The following FARS2 variants were observed in gnomAD, a reference collection of about 807,000 sequenced individuals.
The protein encoded by FARS2 is phenylalanyl-tRNA synthetase 2, mitochondrial.
A neutral mutation model predicts 46.4 loss-of-function variants in FARS2; 40 were observed. The ratio of observed to expected loss-of-function variants is 0.86; its 90% CI spans 0.67 to 1.12. The LOEUF is 1.12. FARS2 is among the 50% of genes most tolerant of loss of function. The pLI is 0.00. For missense variants in FARS2, 513 were observed against 567.9 expected (o/e 0.90, Z 0.98); for synonymous variants, 234 against 214.9 (o/e 1.09, Z -0.78).
intron 6 of FARS2, among the ~76,000 whole-genome samples, chr6:5,624,353 C>T (rs1775926607): frequency 6.6e-6 from 1 of 152,100 alleles, no homozygotes; most frequent in Non-Finnish European, 1.5e-5. Flanking sequence ...CTTGTTCCTC[C>T]TTGTTGCCCT....
intron 6 of FARS2, among the ~76,000 whole-genome samples, chr6:5,694,079 TG>T (rs1757946512): frequency 6.6e-6 from 1 of 152,238 alleles, no homozygotes; most frequent in African/African-American, 2.4e-5. Flanking sequence ...ATGATAGCAT[TG>T]CTGCTGTATT....
chr6:5,403,904 G>A (rs563033943), intron 2 of FARS2, among the ~76,000 whole-genome samples: 1 of 152,100 alleles, frequency 6.6e-6, no homozygotes, highest in Non-Finnish European at 1.5e-5. Context: ...ACAATAATGA[G>A]GAAAACTTAT....
intron 5 of FARS2, among the ~76,000 whole-genome samples, chr6:5,549,883 A>C (rs75281175): frequency 6.6e-6 from 1 of 152,106 alleles, no homozygotes; most frequent in East Asian, 1.9e-4. Context: ...AGGTCCCACA[A>C]ACTCTGAACC....
At chr6:5,529,840 G>A (rs1395254251) in intron 4 of FARS2, among the ~76,000 whole-genome samples, 1 of 152,166 alleles carries the variant, frequency 6.6e-6, no homozygotes, top group African/African-American at 2.4e-5. Flanking sequence ...CCTGGGGCTT[G>A]CTCTCTTGAT....
chr6:5,651,794 G>A (rs889433452), intron 6 of FARS2, among the ~76,000 whole-genome samples: 7 of 152,118 alleles, frequency 4.6e-5, no homozygotes, highest in Admixed American at 4.6e-4. Flanking sequence ...TATCAGTGAG[G>A]GAATTGAGGC....
intron 3 of FARS2, among the ~76,000 whole-genome samples, chr6:5,426,971 G>C (rs1457172027): frequency 6.6e-6 from 1 of 152,088 alleles, no homozygotes; most frequent in East Asian, 1.9e-4. Flanking sequence ...AGAAAATATG[G>C]TATATTGGGA....
intron 6 of FARS2, among the ~76,000 whole-genome samples, chr6:5,627,792 G>T (rs1776107802): frequency 1.3e-5 from 2 of 152,262 alleles, no homozygotes; most frequent in East Asian, 1.9e-4. Flanking sequence ...TTCTCCAGAG[G>T]TAACTAACCT....
At chr6:5,421,084 C>T (rs1762522411) in intron 3 of FARS2, among the ~76,000 whole-genome samples, 1 of 152,216 alleles carries the variant, frequency 6.6e-6, no homozygotes, top group Non-Finnish European at 1.5e-5. Flanking sequence ...CAAACTTCTG[C>T]CTGGGCATCC....
chr6:5,692,419 G>T (rs575594439), intron 6 of FARS2, among the ~76,000 whole-genome samples: 5 of 152,176 alleles, frequency 3.3e-5, no homozygotes, highest in Admixed American at 2.6e-4. Flanking sequence ...GTATCTTTTG[G>T]CAAACCATAT....
At chr6:5,330,517 G>T (rs1346599814) in intron 1 of FARS2, among the ~76,000 whole-genome samples, 1 of 152,076 alleles carries the variant, frequency 6.6e-6, no homozygotes, top group Non-Finnish European at 1.5e-5. Flanking sequence ...TATGATATAG[G>T]CTAGGAGAAT....
In FARS2 at chr6:5,473,541, A is replaced by AAAC. The variant is rs1326955948; in HGVS notation, c.904+42371_904+42372insCAA. Among the ~76,000 whole-genome samples, 82 of 56,304 alleles carry AAAC rather than the reference A, an allele frequency of 1.5e-3. 1 individual carries two copies. Among genetic ancestry groups the AAAC allele is most frequent in the South Asian group, 6.9e-3 (8 of 1,162 alleles). 36.9% of individuals were successfully genotyped at this position (56,304 alleles called of 152,430 possible). A position where few individuals can be genotyped will look rare whatever the true frequency, so the allele number is the denominator to read the frequency against. Reference sequence around the variant, plus strand: ...GACTCTGTCTCAAAAAACAAAAAAAAAAACAAAAAAAAAAAACAAAAGAAT... The same window carrying AAAC: ...GACTCTGTCTCAAAAAACAAAAAAAAAACAAACAAAAAAAAAAAACAAAAGAAT... On this transcript the variant is annotated intron_variant, in intron 4 of 6. Coordinates refer to ENST00000274680, the MANE Select transcript of FARS2 (RefSeq NM_006567.5).
At chr6:5,536,050 CTTTT>C (rs374395844) in intron 4 of FARS2, among the ~76,000 whole-genome samples, 1 of 133,712 alleles carries the variant, frequency 7.5e-6, no homozygotes, top group Admixed American at 7.4e-5. Flanking sequence ...TTTAATTTAT[CTTTT>C]TTTTTTTTTT....
intron 6 of FARS2, among the ~76,000 whole-genome samples, chr6:5,718,592 C>A (rs1194252667): frequency 6.6e-6 from 1 of 152,130 alleles, no homozygotes; most frequent in Non-Finnish European, 1.5e-5. Context: ...TTAAGCCTGG[C>A]AATTCAGAAT....
At chr6:5,463,723 A>T (rs1275242777) in intron 4 of FARS2, among the ~76,000 whole-genome samples, 1 of 152,120 alleles carries the variant, frequency 6.6e-6, no homozygotes, top group Non-Finnish European at 1.5e-5. Context: ...AAGTGGGATT[A>T]AAGCACATAG....
At chr6:5,701,896 CAT>C (rs761311794) in intron 6 of FARS2, among the ~76,000 whole-genome samples, 120 of 152,266 alleles carry the variant, frequency 7.9e-4, no homozygotes, top group Middle Eastern at 3.4e-3. Flanking sequence ...TTTTTATTAA[CAT>C]ATACGGTAAA....
intron 5 of FARS2, among the ~76,000 whole-genome samples, chr6:5,569,984 A>G (rs561452841): frequency 6.6e-6 from 1 of 152,244 alleles, no homozygotes; most frequent in Non-Finnish European, 1.5e-5. Context: ...TGCCTGCCCA[A>G]CATGCTGGAC....
At chr6:5,522,500 A>C (rs1220220442) in intron 4 of FARS2, among the ~76,000 whole-genome samples, 1 of 152,272 alleles carries the variant, frequency 6.6e-6, no homozygotes, top group Non-Finnish European at 1.5e-5. Context: ...GATGAACTAT[A>C]CCAATTTGGT....
At chr6:5,282,097 A>T (rs951043869) in intron 1 of FARS2, among the ~76,000 whole-genome samples, 2 of 152,186 alleles carry the variant, frequency 1.3e-5, no homozygotes, top group Non-Finnish European at 2.9e-5. Context: ...ATGCTGTGCA[A>T]CCATGCAAAA....
chr6:5,576,607 A>G lies in FARS2; in HGVS notation c.1065+31267A>G, dbSNP rs139185484. Reference sequence around the variant, plus strand: ...ATATACTCTATATATGATATATTATATATATAAAGTATATATCATATATTA... The same window carrying G: ...ATATACTCTATATATGATATATTATGTATATAAAGTATATATCATATATTA... On this transcript the variant is annotated intron_variant, in intron 5 of 6. Coordinates refer to ENST00000274680, the MANE Select transcript of FARS2 (RefSeq NM_006567.5). 8.9e-3 allele frequency among the ~76,000 whole-genome samples: 1,168 copies of G among 131,018 alleles called. 14 individuals are homozygous for G. Among genetic ancestry groups the G allele is most frequent in the African/African-American group, 0.032 (1,125 of 35,578 alleles). 86.0% of individuals were successfully genotyped at this position (131,018 alleles called of 152,430 possible).
Sources: gnomAD v4.1 joint callset for allele counts (sites outside exome capture counted in the v4.1 genomes callset) on GRCh38, gnomAD v4.1.1 for gene constraint, MANE v1.5 for transcripts, NCBI Gene and HGNC (gene_info 2026-07-23, HGNC 2026-07-21) for gene names.